Variants in VRK2 observed in about 807,000 individuals in gnomAD.
VRK2 encodes VRK serine/threonine kinase 2, also known as serine/threonine-protein kinase VRK2.
Under a neutral mutation model 57.6 loss-of-function variants are expected in VRK2, and 60 were observed. The observed-to-expected ratio is 1.04, with a 90% CI of 0.85 to 1.29. VRK2 has a LOEUF of 1.29. Among genes scored for constraint, VRK2 ranks in the 50% most tolerant of loss-of-function variants. VRK2 has a pLI of 0.00. For missense variants in VRK2, 705 were observed against 588.1 expected (o/e 1.20, Z -2.06); for synonymous variants, 231 against 199.2 (o/e 1.16, Z -1.35).
chr2:58,011,389 C>G lies in VRK2; in HGVS notation c.-438-14276C>G, dbSNP rs142350175. Among the ~76,000 whole-genome samples, 1,264 of 152,292 alleles carry G rather than the reference C, an allele frequency of 8.3e-3. 54 individuals are homozygous for G. Among genetic ancestry groups the G allele is most frequent in the Admixed American group, 0.077 (1,183 of 15,296 alleles). On this transcript the variant is annotated intron_variant, in intron 1 of 15. Transcript: ENST00000417641. Reference sequence around the variant, plus strand: ...ACCACTTCTTTTCAGTTCTAAAGTTCTGCCTCCATTTATGGTTGCTTCAAC... The same window carrying G: ...ACCACTTCTTTTCAGTTCTAAAGTTGTGCCTCCATTTATGGTTGCTTCAAC...
chr2:58,154,794 T>C, intron 12 of VRK2: 1 of 717,692 alleles, frequency 1.4e-6, no homozygotes, highest in Non-Finnish European at 2.6e-6. Flanking sequence ...ACCCACTATT[T>C]TTTCTAATGT....
At chr2:58,124,185 T>G (rs1175570278) in intron 8 of VRK2, among the ~76,000 whole-genome samples, 1 of 152,222 alleles carries the variant, frequency 6.6e-6, no homozygotes, top group Non-Finnish European at 1.5e-5. Flanking sequence ...CATTTACCAT[T>G]AATTAAACCT....
intron 9 of VRK2, among the ~76,000 whole-genome samples, chr2:58,132,837 T>C (rs1422258656): frequency 6.6e-6 from 1 of 152,216 alleles, no homozygotes; most frequent in African/African-American, 2.4e-5. Context: ...TACTGACATA[T>C]ATGAAACATT....
intron 1 of VRK2, among the ~76,000 whole-genome samples, chr2:57,979,444 A>T (rs1343122768): frequency 1.3e-5 from 2 of 151,006 alleles, no homozygotes; most frequent in Non-Finnish European, 2.9e-5. Context: ...TCAATTTGAT[A>T]TTATTTTGTT....
chr2:58,127,162 A>G (rs974412812), intron 8 of VRK2, among the ~76,000 whole-genome samples: 10 of 152,150 alleles, frequency 6.6e-5, no homozygotes, highest in African/African-American at 1.9e-4. Context: ...ATTTTTGCCA[A>G]TTGCTACGGT....
At chr2:58,074,975 G>C (rs1287868168) in intron 2 of VRK2, among the ~76,000 whole-genome samples, 1 of 152,002 alleles carries the variant, frequency 6.6e-6, no homozygotes, top group East Asian at 1.9e-4. Flanking sequence ...ATGGGAGTTT[G>C]GTATACGGAT....
chr2:58,104,789 A>G (rs756562402), intron 7 of VRK2, among the ~76,000 whole-genome samples: 18 of 152,014 alleles, frequency 1.2e-4, no homozygotes, highest in Admixed American at 3.9e-4. Context: ...TGGAGGCATC[A>G]CATTACCTGA....
intron 1 of VRK2, among the ~76,000 whole-genome samples, chr2:57,987,111 G>GA (rs1347525019): frequency 6.6e-6 from 1 of 150,934 alleles, no homozygotes; most frequent in Non-Finnish European, 1.5e-5. Context: ...ACATCCATAG[G>GA]AAAAAAAATG....
chr2:58,139,643 G>A, intron 10 of VRK2, 23 bp from the exon 11 acceptor site: 12 of 1,598,694 alleles, frequency 7.5e-6, no homozygotes, highest in Non-Finnish European at 1.0e-5. Context: ...TGAATGACAT[G>A]TAAAAAATTT....
chr2:58,147,658 TTTCCC>T (rs148430632), intron 12 of VRK2, among the ~76,000 whole-genome samples: 2,327 of 151,956 alleles, frequency 0.015, 61 homozygotes, highest in African/African-American at 0.052. Flanking sequence ...TCTTGGTTCT[TTTCCC>T]TAGTCAGTCC....
chr2:58,141,865 A>G (rs563406690), intron 11 of VRK2, among the ~76,000 whole-genome samples: 152 of 152,156 alleles, frequency 1.0e-3, no homozygotes, highest in Middle Eastern at 3.4e-3. Context: ...GATTGCTTCC[A>G]TAACAAAAAT....
At chr2:57,933,786 T>C (rs981143612) in intron 1 of VRK2, among the ~76,000 whole-genome samples, 2 of 152,200 alleles carry the variant, frequency 1.3e-5, no homozygotes, top group South Asian at 4.1e-4. Flanking sequence ...TTCTGGCTGC[T>C]GTTTTGAAGA....
At chr2:57,960,830 G>A (rs1263714931) in intron 1 of VRK2, among the ~76,000 whole-genome samples, 2 of 152,210 alleles carry the variant, frequency 1.3e-5, no homozygotes, top group African/African-American at 2.4e-5. Context: ...TATAACAAGT[G>A]TAACAGGGTA....
chr2:58,159,245 G>T (rs1684642867), intron 12 of VRK2, 104 bp from the exon 13 acceptor site: 2 of 855,954 alleles, frequency 2.3e-6, no homozygotes, highest in Non-Finnish European at 3.5e-6. Context: ...GCAAAAACTT[G>T]ATCTTGTATA....
rs567546994 is a variant in VRK2 at position 58,001,008 on chromosome 2, A to G, written c.-438-24657A>G. 1.1e-4 allele frequency among the ~76,000 whole-genome samples: 16 copies of G among 152,316 alleles called. No individual in the cohort carries two copies. The South Asian group carries it at 2.5e-3, about 24-fold the overall frequency. Reference sequence around the variant, plus strand: ...ATTCTCTATTTTTCTATCTACAACAATGTTCTATATACATAATGTAATATT... The same window carrying G: ...ATTCTCTATTTTTCTATCTACAACAGTGTTCTATATACATAATGTAATATT... On this transcript the variant is annotated intron_variant, in intron 1 of 15. Transcript: ENST00000417641.
chr2:57,994,110 A>C lies in VRK2; in HGVS notation c.-438-31555A>C, dbSNP rs79200357. 5.1e-4 allele frequency among the ~76,000 whole-genome samples: 78 copies of C among 152,330 alleles called. 1 individual carries two copies. The East Asian group carries it at 0.012, about 24-fold the overall frequency. On this transcript the variant is annotated intron_variant, in intron 1 of 15. Transcript: ENST00000417641. ...CCTCTTCTTATTACTTCAGAAAATT[A>C]TCAGAAATGTCGATGGATGCTTCTA... is the stretch of plus-strand genomic sequence containing the variant.
chr2:58,030,438 T>G (rs1443057518), intron 2 of VRK2, among the ~76,000 whole-genome samples: 1 of 152,068 alleles, frequency 6.6e-6, no homozygotes, highest in Non-Finnish European at 1.5e-5. Flanking sequence ...TTCCTTCTCT[T>G]TCATTTAAAT....
At chr2:57,966,431 G>A in intron 1 of VRK2, among the ~76,000 whole-genome samples, 1 of 152,134 alleles carries the variant, frequency 6.6e-6, no homozygotes. Flanking sequence ...AAGCTGTTAT[G>A]TTTTTGTTTT....
At chr2:58,110,554 A>C (rs1221457646) in intron 7 of VRK2, among the ~76,000 whole-genome samples, 3 of 152,208 alleles carry the variant, frequency 2.0e-5, no homozygotes, top group African/African-American at 7.2e-5. Flanking sequence ...ATTATTATAC[A>C]GTACTTTTTT....
Sources: gnomAD v4.1 joint callset for allele counts (sites outside exome capture counted in the v4.1 genomes callset) on GRCh38, gnomAD v4.1.1 for gene constraint, MANE v1.5 for transcripts, NCBI Gene and HGNC (gene_info 2026-07-23, HGNC 2026-07-21) for gene names.